The following TET2 variants were observed in gnomAD, a reference collection of about 807,000 sequenced individuals.
TET2 encodes methylcytosine dioxygenase TET2.
In TET2, 299 loss-of-function variants were observed where a neutral mutation model predicts 142.9. That is an observed-to-expected ratio of 2.09 (90% confidence interval 1.90 to 2.30). The LOEUF (loss-of-function observed/expected upper bound fraction) is 2.30, where lower values mean the gene tolerates loss of function less well. Among genes scored for constraint, TET2 ranks in the 30% most tolerant of loss-of-function variants. The probability of loss-of-function intolerance (pLI) is 0.00; values close to 1 mark genes in which losing one functional copy is unlikely to be tolerated. For synonymous variants in TET2, 819 were observed against 849.0 expected (o/e 0.96, Z 0.61); for missense variants, 2,418 against 2,378.0 (o/e 1.02, Z -0.35).
chr4:105,152,817 G>C (rs368649019), intron 1 of TET2, among the ~76,000 whole-genome samples: 2 of 151,940 alleles, frequency 1.3e-5, no homozygotes, highest in South Asian at 2.1e-4. Context: ...GGCTGATCTC[G>C]TACTCCTGGT....
chr4:105,257,511 A>G (rs985459657), intron 6 of TET2, among the ~76,000 whole-genome samples: 3 of 152,134 alleles, frequency 2.0e-5, no homozygotes, highest in African/African-American at 7.2e-5. Flanking sequence ...TCTTTGACAA[A>G]GGGGTCTGTA....
At chr4:105,214,696 A>C (rs144803398) in intron 2 of TET2, among the ~76,000 whole-genome samples, 7 of 152,014 alleles carry the variant, frequency 4.6e-5, no homozygotes, top group African/African-American at 1.7e-4. Context: ...TGAAGCCTCC[A>C]TAAAAACTCA....
intron 2 of TET2, among the ~76,000 whole-genome samples, chr4:105,230,536 G>GA (rs1156568065): frequency 2.0e-5 from 3 of 152,186 alleles, no homozygotes; most frequent in Admixed American, 2.0e-4. Flanking sequence ...TTGGAGAAGA[G>GA]AAAAAAACTG....
intron 8 of TET2, among the ~76,000 whole-genome samples, chr4:105,264,678 A>G (rs983664313): frequency 3.9e-5 from 6 of 152,198 alleles, no homozygotes; most frequent in Non-Finnish European, 7.4e-5. Flanking sequence ...CTGAATGGAT[A>G]AAATATTTTT....
At chr4:105,187,627 T>C (rs544300377) in intron 1 of TET2, among the ~76,000 whole-genome samples, 1 of 152,350 alleles carries the variant, frequency 6.6e-6, no homozygotes, top group Non-Finnish European at 1.5e-5. Flanking sequence ...ATTGAATTTC[T>C]TTTTTCTTCT....
intron 2 of TET2, among the ~76,000 whole-genome samples, chr4:105,205,581 T>A (rs1726767357): frequency 6.6e-6 from 1 of 152,216 alleles, no homozygotes; most frequent in African/African-American, 2.4e-5. Context: ...CTGATTTATC[T>A]GTACCCACAA....
chr4:105,235,051 AT>A lies in TET2; in HGVS notation c.1112del (p.Leu371Ter), dbSNP rs1350351671. 1 of 1,614,098 alleles carries A rather than the reference AT, an allele frequency of 6.2e-7. No individual in the cohort carries two copies. The highest frequency in any genetic ancestry group is 8.5e-7 in the Non-Finnish European group (1 of 1,179,998). On this transcript the variant is annotated frameshift_variant, in exon 3 of 11. Coordinates refer to ENST00000380013, the MANE Select transcript of TET2 (RefSeq NM_001127208.3). LOFTEE classifies it high-confidence loss of function. ...LQAPGGSSER[Y>X]LKQNEMNGAY... ...GCTCCTGGTGGCAGCTCTGAACGGT[AT>A]TTAAAACAAAATGAAATGAATGGTG... is the stretch of plus-strand genomic sequence containing the variant.
In TET2 at chr4:105,236,502, T is replaced by C; in HGVS notation, c.2560T>C (p.Phe854Leu). The C allele has an allele frequency of 6.2e-7, 1 of 1,614,100 alleles. No individual in the cohort carries two copies. Among genetic ancestry groups the C allele is most frequent in the Non-Finnish European group, 8.5e-7 (1 of 1,180,004 alleles). The change falls in exon 3 of 11, where the codon TTT (phenylalanine) becomes CTT (leucine). Residue 854 changes from phenylalanine to leucine, a missense_variant. By Grantham distance (22) the Phe-to-Leu change is conservative (BLOSUM62 0). Transcript: ENST00000380013. Reference sequence around the variant, plus strand: ...AGAACAGACTACACATCCTGAACTTTTTGCAGGAAACAAGACCCAAAACTT... The same window carrying C: ...AGAACAGACTACACATCCTGAACTTCTTGCAGGAAACAAGACCCAAAACTT... ...NKEQTTHPEL[F>L]AGNKTQNLHH...
chr4:105,240,696 C>T (rs751962039), intron 3 of TET2: 6 of 1,080,204 alleles, frequency 5.6e-6, no homozygotes, highest in Non-Finnish European at 4.5e-6. Flanking sequence ...TATCACCCAC[C>T]CCTATCTTCC....
At chr4:105,202,882 A>G (rs1302562717) in intron 2 of TET2, among the ~76,000 whole-genome samples, 8 of 152,252 alleles carry the variant, frequency 5.3e-5, no homozygotes, top group Admixed American at 5.2e-4. Context: ...GCTGTTAACT[A>G]TACATCAGGC....
At chr4:105,240,836 A>G in intron 3 of TET2, 1 of 1,079,466 alleles carries the variant, frequency 9.3e-7, no homozygotes. Flanking sequence ...TATTTGCAAA[A>G]CAGCAATTAA....
rs188845167 is a variant in TET2 at position 105,158,365 on chromosome 4, G to A, written c.-193+11386G>A. Among the ~76,000 whole-genome samples the A allele has an allele frequency of 1.0e-3, 153 of 152,228 alleles. 1 individual carries two copies. Among genetic ancestry groups the A allele is most frequent in the East Asian group, 3.9e-4 (2 of 5,182 alleles). On this transcript the variant is annotated intron_variant, in intron 1 of 10. Coordinates refer to ENST00000380013, the MANE Select transcript of TET2 (RefSeq NM_001127208.3). ...TTGTAATTTTTCTCAGTATTGGTAA[G>A]AATTCAGGTGTTTAAGGAATGGAGT...
chr4:105,154,682 A>T (rs1361997856), intron 1 of TET2, among the ~76,000 whole-genome samples: 1 of 152,192 alleles, frequency 6.6e-6, no homozygotes, highest in Non-Finnish European at 1.5e-5. Context: ...ACTTTCTCAG[A>T]TGTCTTTAGT....
intron 1 of TET2, among the ~76,000 whole-genome samples, chr4:105,175,322 T>C (rs1250652946): frequency 1.3e-5 from 2 of 151,968 alleles, no homozygotes; most frequent in African/African-American, 4.8e-5. Context: ...GGTGAGGGAT[T>C]AAAAAAATGA....
At chr4:105,201,338 T>G (rs1418242623) in intron 2 of TET2, among the ~76,000 whole-genome samples, 1 of 152,210 alleles carries the variant, frequency 6.6e-6, no homozygotes, top group Non-Finnish European at 1.5e-5. Context: ...CACGCTTATA[T>G]ATTTTAGTTG....
intron 3 of TET2, chr4:105,238,161 TTA>T (rs1452045952): frequency 8.9e-6 from 2 of 225,580 alleles, no homozygotes; most frequent in African/African-American, 4.5e-5. Context: ...TAAAAATAAT[TTA>T]TTGTTAAAAA....
intron 2 of TET2, among the ~76,000 whole-genome samples, chr4:105,208,164 A>T (rs1337058915): frequency 6.6e-6 from 1 of 152,116 alleles, no homozygotes; most frequent in African/African-American, 2.4e-5. Context: ...CTCTTGGGTC[A>T]CCTTGCCAAC....
intron 1 of TET2, among the ~76,000 whole-genome samples, chr4:105,167,458 T>C (rs1207666482): frequency 6.6e-6 from 1 of 152,114 alleles, no homozygotes; most frequent in South Asian, 2.1e-4. Flanking sequence ...TATGTGTGTA[T>C]GTATGTATAT....
intron 1 of TET2, among the ~76,000 whole-genome samples, chr4:105,163,741 A>G (rs904755348): frequency 4.0e-5 from 6 of 151,746 alleles, no homozygotes; most frequent in Non-Finnish European, 5.9e-5. Context: ...TTCGTAATCA[A>G]TGTAAATCAA....
Sources: allele counts gnomAD v4.1 joint callset (sites outside exome capture counted in the v4.1 genomes callset), GRCh38; gene constraint gnomAD v4.1.1; transcripts MANE v1.5; gene names NCBI Gene and HGNC (gene_info 2026-07-23, HGNC 2026-07-21).